RGPD4: variants seen among roughly 807,000 people sequenced by gnomAD.
The protein encoded by RGPD4 is RANBP2 like and GRIP domain containing 4.
RGPD4 carries 84 observed loss-of-function variants against 141.1 expected under a neutral mutation model. The ratio of observed to expected loss-of-function variants is 0.60; its 90% CI spans 0.50 to 0.71. RGPD4 has a LOEUF of 0.71. RGPD4 is among the 30% of genes least tolerant of loss of function. The pLI is 0.00. For missense variants in RGPD4, 918 were observed against 1,622.4 expected, an observed-to-expected ratio of 0.57 and a Z score of 7.46; for synonymous variants, 298 against 566.8, an observed-to-expected ratio of 0.53 and a Z score of 6.74.
chr2:107,830,258 A>T (rs1681432523), intron 1 of RGPD4, among the ~76,000 whole-genome samples: 1 of 146,986 alleles, frequency 6.8e-6, no homozygotes, highest in Non-Finnish European at 1.5e-5. Context: ...TTTTAAGGGT[A>T]TTTTTCCTCT....
intron 1 of RGPD4, among the ~76,000 whole-genome samples, chr2:107,831,885 C>T (rs1229652262): frequency 7.5e-6 from 1 of 133,810 alleles, no homozygotes; most frequent in African/African-American, 2.9e-5. Flanking sequence ...TTTAGACATT[C>T]TGTACTGGCT....
At chr2:107,832,274 A>G (rs1681520578) in intron 1 of RGPD4, among the ~76,000 whole-genome samples, 1 of 148,756 alleles carries the variant, frequency 6.7e-6, no homozygotes. Flanking sequence ...TCTTTGCTAC[A>G]CAGCTGTGCT....
In RGPD4 at chr2:107,872,675, A is replaced by T. The variant is rs774841837; in HGVS notation, c.4671A>T (p.Pro1557=). The T allele has an allele frequency of 8.7e-6, 14 of 1,611,018 alleles. No individual in the cohort carries two copies. The African/African-American group carries it at 1.9e-4, about 22-fold the overall frequency. ...TTTTTAGTAGTGAAAAATCAAAACC[A>T]TTTGCATTTGGCAACAGTTCTGCCA... ...KRIFSSEKSK[P]FAFGNSSATG... The change falls in exon 20 of 23, where the codon CCA becomes CCT. Residue 1557 remains proline (P), a synonymous_variant. Coordinates refer to ENST00000408999, the MANE Select transcript of RGPD4 (RefSeq NM_182588.3).
intron 17 of RGPD4, among the ~76,000 whole-genome samples, chr2:107,863,581 C>T (rs1357470549): frequency 6.6e-6 from 1 of 151,638 alleles, no homozygotes; most frequent in Non-Finnish European, 1.5e-5. Context: ...CAACCTCCAC[C>T]TCCCAGGTTC....
At chr2:107,887,444 T>A (rs1397755903) in intron 22 of RGPD4, among the ~76,000 whole-genome samples, 2 of 152,058 alleles carry the variant, frequency 1.3e-5, no homozygotes, top group African/African-American at 2.4e-5. Context: ...TGGCTGTGAG[T>A]TAATGATGAA....
At chr2:107,888,979 G>C (rs1675579943) in intron 22 of RGPD4, among the ~76,000 whole-genome samples, 1 of 134,268 alleles carries the variant, frequency 7.4e-6, no homozygotes, top group African/African-American at 3.1e-5. Flanking sequence ...TAAGTTTGTA[G>C]TAATTTGTTA....
chr2:107,828,129 C>T (rs1274446507), intron 1 of RGPD4, among the ~76,000 whole-genome samples: 1 of 9,286 alleles, frequency 1.1e-4, no homozygotes, highest in Admixed American at 5.3e-4. Flanking sequence ...CCTGGCCCGG[C>T]GGCGGCCTCG....
Position 107,845,625 on chromosome 2 carries a change from G to A in RGPD4, c.782+1895G>A, listed in dbSNP as rs556407432. ...GTCAGATCAGTTAATCAGGACTCAT[G>A]GGCCCTTTGTTACCCGCCTTGTGAA... On this transcript the variant is annotated intron_variant, in intron 6 of 22. Coordinates refer to ENST00000408999, the MANE Select transcript of RGPD4 (RefSeq NM_182588.3). 8.5e-5 allele frequency among the ~76,000 whole-genome samples: 13 copies of A among 152,394 alleles called. No individual in the cohort carries two copies. In the East Asian group the frequency reaches 2.1e-3, roughly 25 times the overall value.
chr2:107,871,650 G>C lies in RGPD4; in HGVS notation c.3646G>C (p.Val1216Leu). The C allele has an allele frequency of 6.2e-7, 1 of 1,607,188 alleles. No individual in the cohort carries two copies. The highest frequency in any genetic ancestry group is 8.5e-7 in the Non-Finnish European group (1 of 1,178,934). ...ATTTTTGACAAATGATCAAACAAAA[G>C]TCACTGAGGAAGAAAATAAGGGTTC... is the stretch of plus-strand genomic sequence containing the variant. ...KTFLTNDQTK[V>L]TEEENKGSGT... The change falls in exon 20 of 23, where the codon GTC becomes CTC. Residue 1216 changes from valine to leucine, a missense_variant. Val to Leu is a conservative substitution (Grantham distance 32, BLOSUM62 1). Transcript: ENST00000408999.
chr2:107,888,431 C>A, intron 22 of RGPD4, among the ~76,000 whole-genome samples: 1 of 151,420 alleles, frequency 6.6e-6, no homozygotes, highest in Non-Finnish European at 1.5e-5. Context: ...TTCCTGGGAA[C>A]AAGGTTACCT....
chr2:107,880,159 A>T, intron 21 of RGPD4, 52 bp downstream of exon 21: 1 of 1,608,720 alleles, frequency 6.2e-7, no homozygotes, highest in South Asian at 1.1e-5. Context: ...GGTTTTCTGG[A>T]CCCTCCATAC....
intron 8 of RGPD4, among the ~76,000 whole-genome samples, chr2:107,855,037 A>G (rs2104446547): frequency 8.6e-6 from 1 of 116,734 alleles, no homozygotes; most frequent in Non-Finnish European, 1.8e-5. Flanking sequence ...AAGAACTGAG[A>G]GCATAGTGAG....
chr2:107,828,518 G>C (rs867992253), intron 1 of RGPD4, among the ~76,000 whole-genome samples: 1 of 100,838 alleles, frequency 9.9e-6, no homozygotes, highest in Non-Finnish European at 2.1e-5. Flanking sequence ...GCCCGGCGGC[G>C]GCCTCGATGG....
In RGPD4 at chr2:107,871,145, A is replaced by G. The variant is rs777458983; in HGVS notation, c.3141A>G (p.Lys1047=). 6 of 1,610,846 alleles carry G rather than the reference A, an allele frequency of 3.7e-6. No homozygotes were observed. Among genetic ancestry groups the G allele is most frequent in the Non-Finnish European group, 5.1e-6 (6 of 1,179,788 alleles). Residue 1047 remains lysine, a synonymous_variant, in exon 20 of 23, where the codon AAA becomes AAG. Coordinates refer to ENST00000408999, the MANE Select transcript of RGPD4 (RefSeq NM_182588.3). ...HFEPVVQMPE[K]VELVIGEEGE... ...AACCAGTAGTTCAAATGCCTGAAAA[A>G]GTAGAACTTGTAATAGGAGAAGAAG...
chr2:107,830,135 G>T (rs151242229), intron 1 of RGPD4, among the ~76,000 whole-genome samples: 2 of 151,088 alleles, frequency 1.3e-5, no homozygotes, highest in Non-Finnish European at 2.9e-5. Context: ...CACCTCCCTC[G>T]CCCCCATCCC....
chr2:107,888,615 G>A (rs557697886), intron 22 of RGPD4, among the ~76,000 whole-genome samples: 9 of 151,346 alleles, frequency 5.9e-5, no homozygotes, highest in Non-Finnish European at 1.2e-4. Flanking sequence ...AGAGCCAGTA[G>A]GCTAACCTAA....
chr2:107,880,991 A>C (rs1439851241), intron 21 of RGPD4, among the ~76,000 whole-genome samples: 6 of 151,834 alleles, frequency 4.0e-5, no homozygotes, highest in African/African-American at 1.5e-4. Flanking sequence ...ATTTAATCTC[A>C]TCACTGGTTA....
At chr2:107,846,096 T>C (rs1197895940) in intron 6 of RGPD4, among the ~76,000 whole-genome samples, 1 of 134,384 alleles carries the variant, frequency 7.4e-6, no homozygotes, top group Non-Finnish European at 1.6e-5. Context: ...CCAGCTAATT[T>C]TTTGTATTTT....
intron 15 of RGPD4, among the ~76,000 whole-genome samples, 149 bp from the exon 16 acceptor site, chr2:107,862,530 TAAA>T (rs1336162977): frequency 1.3e-5 from 2 of 150,872 alleles, no homozygotes; most frequent in Non-Finnish European, 1.5e-5. Flanking sequence ...AAAAGATAAT[TAAA>T]AAACACTTTC....
Sources: allele counts gnomAD v4.1 joint callset (sites outside exome capture counted in the v4.1 genomes callset), GRCh38; gene constraint gnomAD v4.1.1; transcripts MANE v1.5; gene names NCBI Gene and HGNC (gene_info 2026-07-23, HGNC 2026-07-21).